The following TTC7B variants were observed in gnomAD, a reference collection of about 807,000 sequenced individuals.
TTC7B encodes the protein tetratricopeptide repeat protein 7B.
In TTC7B, 28 loss-of-function variants were observed where a neutral mutation model predicts 106.8. That is an observed-to-expected ratio of 0.26 (90% CI 0.19 to 0.36). The LOEUF is 0.36. TTC7B is among the 10% of genes least tolerant of loss of function. The probability of loss-of-function intolerance (pLI) is 1.00; values close to 1 mark genes in which losing one functional copy is unlikely to be tolerated. For synonymous variants in TTC7B, 405 were observed against 430.6 expected (o/e 0.94, Z 0.74); for missense variants, 862 against 1,076.4 (o/e 0.80, Z 2.79).
rs777665864 is a variant in TTC7B, at chr14:90,541,416, C to T, written c.2484G>A (p.Glu828=). 5.6e-5 allele frequency: 91 copies of T among 1,611,862 alleles called. No homozygotes were observed. In the South Asian group the frequency reaches 9.9e-4, roughly 18 times the overall value. ...TECFLTALEL[E]ASSPAVPFTI... ...TGAAGGGCACGGCGGGGCTGCTGGC[C>T]TCCAGCTCCAAGGCTGTCAGGAAGC... The change falls in exon 20 of 20, where the codon GAG becomes GAA. Residue 828 remains glutamate (E), a synonymous_variant. Coordinates refer to ENST00000328459, the MANE Select transcript of TTC7B (RefSeq NM_001010854.2).
At chr14:90,586,182 CT>C (rs1891703557) in intron 18 of TTC7B, among the ~76,000 whole-genome samples, 1 of 152,248 alleles carries the variant, frequency 6.6e-6, no homozygotes, top group Admixed American at 6.5e-5. Context: ...TCCTGCCCCC[CT>C]GGCTGCCGCG....
intron 13 of TTC7B, 198 bp from the exon 14 acceptor site, chr14:90,647,221 CAG>C: frequency 1.8e-6 from 1 of 564,164 alleles, no homozygotes; most frequent in South Asian, 2.0e-5. Context: ...TATAAAGGTA[CAG>C]AATAGGAGTG....
chr14:90,678,034 C>T (rs1330083427), intron 8 of TTC7B, among the ~76,000 whole-genome samples: 1 of 152,080 alleles, frequency 6.6e-6, no homozygotes, highest in Non-Finnish European at 1.5e-5. Flanking sequence ...TATTTATTTG[C>T]TATATATGTT....
intron 14 of TTC7B, among the ~76,000 whole-genome samples, chr14:90,645,432 G>A (rs756065203): frequency 6.6e-6 from 1 of 152,176 alleles, no homozygotes; most frequent in Non-Finnish European, 1.5e-5. Flanking sequence ...AGGTCACCCA[G>A]CTATTGAGTG....
chr14:90,598,426 G>A (rs1390593932), intron 17 of TTC7B, among the ~76,000 whole-genome samples: 1 of 152,192 alleles, frequency 6.6e-6, no homozygotes, highest in African/African-American at 2.4e-5. Flanking sequence ...CTGAGCCAGG[G>A]TTTCCTTCTA....
At chr14:90,650,988 A>G (rs36063713) in intron 13 of TTC7B, among the ~76,000 whole-genome samples, 30,929 of 152,246 alleles carry the variant, frequency 0.2, 3,899 homozygotes, top group Admixed American at 0.28. Context: ...TTCTTGTGCT[A>G]TATCTGCAAC....
intron 17 of TTC7B, among the ~76,000 whole-genome samples, chr14:90,601,712 G>A (rs535958985): frequency 4.6e-5 from 7 of 152,262 alleles, no homozygotes; most frequent in East Asian, 1.9e-4. Flanking sequence ...CTGCTGCTTC[G>A]CTCCAATCCT....
At chr14:90,629,615 C>T (rs559459803) in intron 15 of TTC7B, among the ~76,000 whole-genome samples, 1 of 152,332 alleles carries the variant, frequency 6.6e-6, no homozygotes, top group Admixed American at 6.5e-5. Context: ...TTCCAGGAAA[C>T]ACCTGCAAGA....
rs1566814878 is a variant in TTC7B at position 90,644,189 on chromosome 14, T to C, written c.1610A>G (p.Tyr537Cys). 1 of 1,607,584 alleles carries C rather than the reference T, an allele frequency of 6.2e-7. No homozygotes were observed. The highest frequency in any genetic ancestry group is 8.5e-7 in the Non-Finnish European group (1 of 1,177,514). Residue 537 changes from tyrosine to cysteine, a missense_variant, in exon 15 of 20, where the codon TAT (tyrosine) becomes TGT (cysteine). Coordinates refer to ENST00000328459, the MANE Select transcript of TTC7B (RefSeq NM_001010854.2). ...ISRQIPEALG[Y>C]VRQALQLQGD... ...TTGAAGCTGAAGAGCTTGGCGGACA[T>C]ACCCCAGAGCCTCTGGGATCTGGTT...
chr14:90,641,937 G>A (rs1321245829), intron 15 of TTC7B, among the ~76,000 whole-genome samples: 3 of 106,402 alleles, frequency 2.8e-5, no homozygotes, highest in Non-Finnish European at 3.9e-5. Context: ...GTGTGTGCGT[G>A]TGTGTGTGTG....
chr14:90,798,053 C>T (rs552252515), intron 1 of TTC7B, among the ~76,000 whole-genome samples: 3 of 152,292 alleles, frequency 2.0e-5, no homozygotes, highest in Admixed American at 6.5e-5. Context: ...TGTTAATGCA[C>T]GCAGAGGCTT....
At chr14:90,686,081 G>C (rs1887242191) in intron 7 of TTC7B, among the ~76,000 whole-genome samples, 1 of 152,140 alleles carries the variant, frequency 6.6e-6, no homozygotes, top group African/African-American at 2.4e-5. Context: ...AAATATAGAT[G>C]TAAAAATCTT....
At chr14:90,566,194 A>G (rs1382214802) in intron 19 of TTC7B, among the ~76,000 whole-genome samples, 3 of 152,096 alleles carry the variant, frequency 2.0e-5, no homozygotes, top group Admixed American at 1.3e-4. Context: ...TCTACTAAAA[A>G]TACAAAAACT....
At chr14:90,767,265 T>G (rs1187787794) in intron 3 of TTC7B, among the ~76,000 whole-genome samples, 8 of 151,922 alleles carry the variant, frequency 5.3e-5, no homozygotes, top group Admixed American at 5.2e-4. Flanking sequence ...GTACAATAAG[T>G]GAAATGAAAA....
In TTC7B at chr14:90,695,031, T is replaced by TTTTTATTTTATTATAAAATATA. The variant is rs1418279486; in HGVS notation, c.777+447_777+468dup. ...ATATTTATTATAAATATATGTATAT[T>TTTTTATTTTATTATAAAATATA]TTTTATTTTATTATAAAATATATTT... On this transcript the variant is annotated intron_variant, in intron 6 of 19. Coordinates refer to ENST00000328459, the MANE Select transcript of TTC7B (RefSeq NM_001010854.2). Among the ~76,000 whole-genome samples, 342 of 55,542 alleles carry TTTTTATTTTATTATAAAATATA rather than the reference T, an allele frequency of 6.2e-3. 5 individuals are homozygous for TTTTTATTTTATTATAAAATATA. Among genetic ancestry groups the TTTTTATTTTATTATAAAATATA allele is most frequent in the African/African-American group, 0.02 (289 of 14,428 alleles). 36.4% of individuals were successfully genotyped at this position (55,542 alleles called of 152,430 possible). A position where few individuals can be genotyped will look rare whatever the true frequency, so the allele number is the denominator to read the frequency against.
At chr14:90,565,804 T>C (rs927685157) in intron 19 of TTC7B, among the ~76,000 whole-genome samples, 1 of 152,116 alleles carries the variant, frequency 6.6e-6, no homozygotes, top group African/African-American at 2.4e-5. Context: ...ATTTCAATAT[T>C]ACTGTGTCTC....
At chr14:90,758,639 C>T (rs1276794495) in intron 3 of TTC7B, among the ~76,000 whole-genome samples, 2 of 152,224 alleles carry the variant, frequency 1.3e-5, no homozygotes, top group Non-Finnish European at 2.9e-5. Context: ...AGCAGCGAGT[C>T]CTAGCTGATG....
chr14:90,753,838 G>C (rs1468666107), intron 3 of TTC7B, among the ~76,000 whole-genome samples: 2 of 152,218 alleles, frequency 1.3e-5, no homozygotes, highest in African/African-American at 4.8e-5. Flanking sequence ...AGAAGAGGAT[G>C]CCAGCCTTGG....
chr14:90,710,606 T>C (rs764769558), intron 5 of TTC7B, among the ~76,000 whole-genome samples: 64 of 152,194 alleles, frequency 4.2e-4, no homozygotes, highest in Non-Finnish European at 7.9e-4. Flanking sequence ...TGTTGTCTTA[T>C]TTTAAGAAAT....
Sources: gnomAD v4.1 joint callset for allele counts (sites outside exome capture counted in the v4.1 genomes callset) on GRCh38, gnomAD v4.1.1 for gene constraint, MANE v1.5 for transcripts, NCBI Gene and HGNC (gene_info 2026-07-23, HGNC 2026-07-21) for gene names.